Variants in ATXN7L1 observed in about 807,000 individuals in gnomAD.
ATXN7L1 encodes ataxin 7 like 1.
ATXN7L1 carries 15 observed loss-of-function variants against 70.8 expected under a neutral mutation model. The ratio of observed to expected loss-of-function variants is 0.21; its 90% CI spans 0.14 to 0.33. The LOEUF (loss-of-function observed/expected upper bound fraction) is 0.33, where lower values mean the gene tolerates loss of function less well. Among genes scored for constraint, ATXN7L1 ranks in the 10% least tolerant of loss-of-function variants. The pLI, the probability that ATXN7L1 is intolerant of heterozygous loss-of-function variation, is 1.00. For synonymous variants in ATXN7L1, 440 were observed against 445.1 expected (o/e 0.99, Z 0.14); for missense variants, 975 against 1,097.1 (o/e 0.89, Z 1.57).
In ATXN7L1 at chr7:105,605,222, C is replaced by T. The variant is rs918855944; in HGVS notation, c.*2630G>A. 1 of 151,586 alleles carries T rather than the reference C, an allele frequency of 6.6e-6. No homozygotes were observed. The highest frequency in any genetic ancestry group is 2.4e-5 in the African/African-American group (1 of 41,226). The allele number at this position is 151,586 out of a possible 1,614,324, so 9.4% of individuals were successfully genotyped here. A position where few individuals can be genotyped will look rare whatever the true frequency, so the allele number is the denominator to read the frequency against. ...GAGTGGGTGTGCAGAACAGAAGGACCCAGAGGACATCACCCTAAAAATGTT... is the reference window on the plus strand; with the variant it reads ...GAGTGGGTGTGCAGAACAGAAGGACTCAGAGGACATCACCCTAAAAATGTT... On this transcript the variant is annotated 3_prime_UTR_variant, in exon 12 of 12. Coordinates refer to ENST00000419735, the MANE Select transcript of ATXN7L1 (RefSeq NM_020725.2).
At position 105,646,390 on chromosome 7, in the gene ATXN7L1, G is replaced by C. The variant is rs556057106; in HGVS notation, c.579-3269C>G. On this transcript the variant is annotated intron_variant, in intron 4 of 11. Transcript: ENST00000419735. Reference sequence around the variant, plus strand: ...TAGTCCTAGGATTTTGGGGGGCCAGGGTGAGAGGATTGCTTGAGGCCAGGT... The same window carrying C: ...TAGTCCTAGGATTTTGGGGGGCCAGCGTGAGAGGATTGCTTGAGGCCAGGT... Among the ~76,000 whole-genome samples, 359 of 152,178 alleles carry C rather than the reference G, an allele frequency of 2.4e-3. 3 individuals carry two copies. Among genetic ancestry groups the C allele is most frequent in the Non-Finnish European group, 1.8e-3 (122 of 68,012 alleles).
intron 2 of ATXN7L1, among the ~76,000 whole-genome samples, chr7:105,814,965 C>A (rs764026769): frequency 6.6e-6 from 1 of 152,096 alleles, no homozygotes; most frequent in Non-Finnish European, 1.5e-5. Context: ...TTACTAGAAA[C>A]ATATAAGAAA....
intron 2 of ATXN7L1, among the ~76,000 whole-genome samples, chr7:105,803,924 C>T (rs1019417644): frequency 3.3e-5 from 5 of 152,064 alleles, no homozygotes; most frequent in African/African-American, 9.7e-5. Context: ...CTCTCTGAGG[C>T]GGCTAAGTGG....
intron 3 of ATXN7L1, among the ~76,000 whole-genome samples, chr7:105,752,532 C>T (rs1799333203): frequency 6.6e-6 from 1 of 152,136 alleles, no homozygotes; most frequent in African/African-American, 2.4e-5. Flanking sequence ...ACTATCATTC[C>T]CATGCTTGGC....
rs1798471141 is a variant in ATXN7L1, at chr7:105,642,876, C to T, written c.824G>A (p.Gly275Asp). Residue 275 changes from glycine to aspartate, a missense_variant, in exon 5 of 12, where the codon GGC becomes GAC. Gly to Asp is a moderately conservative substitution (Grantham distance 94, BLOSUM62 -1). Transcript: ENST00000419735. ...PTTIDKKHQN[G>D]TKNSNKPYRR... The stretch of plus-strand genomic sequence containing the variant: ...GTAAGGCTTGTTGCTGTTTTTGGTG[C>T]CATTTTGGTGTTTCTTGTCTATGGT... 6.4e-7 allele frequency: 1 copy of T among 1,551,586 alleles called. No individual in the cohort carries two copies. Among genetic ancestry groups the T allele is most frequent in the Non-Finnish European group, 8.7e-7 (1 of 1,146,964 alleles).
At chr7:105,795,399 G>A (rs937276610) in intron 2 of ATXN7L1, among the ~76,000 whole-genome samples, 3 of 152,178 alleles carry the variant, frequency 2.0e-5, no homozygotes, top group African/African-American at 7.2e-5. Flanking sequence ...TTACAGTTAA[G>A]GAAAAGGCAG....
At position 105,617,182 on chromosome 7, in the gene ATXN7L1, A is replaced by G. The variant is rs112290994; in HGVS notation, c.1518-2366T>C. Among the ~76,000 whole-genome samples, 1,297 of 152,138 alleles carry G rather than the reference A, an allele frequency of 8.5e-3. 15 individuals are homozygous for G. The highest frequency in any genetic ancestry group is 0.03 in the African/African-American group (1,232 of 41,522). On this transcript the variant is annotated intron_variant, in intron 9 of 11. Transcript: ENST00000419735. ...GCTGGGACTACAGGCACCCGCCACC[A>G]GGCCCGGATAAATTTTTGTTTTTAG...
At chr7:105,639,379 G>T in intron 6 of ATXN7L1, 108 bp downstream of exon 6, 1 of 795,508 alleles carries the variant, frequency 1.3e-6, no homozygotes. Flanking sequence ...GAACAGCTGG[G>T]GGTCATGTCG....
intron 3 of ATXN7L1, among the ~76,000 whole-genome samples, chr7:105,745,445 C>T (rs894065419): frequency 7.2e-5 from 11 of 152,126 alleles, no homozygotes; most frequent in African/African-American, 1.4e-4. Flanking sequence ...TCCGTTTGTA[C>T]GCCTCGTACC....
intron 3 of ATXN7L1, among the ~76,000 whole-genome samples, chr7:105,691,963 G>A (rs1396063946): frequency 2.0e-5 from 3 of 152,222 alleles, no homozygotes; most frequent in East Asian, 1.9e-4. Context: ...AAAGCGAACC[G>A]GCTGCCTCGT....
chr7:105,781,112 A>T (rs1376464041), intron 3 of ATXN7L1, among the ~76,000 whole-genome samples: 1 of 152,180 alleles, frequency 6.6e-6, no homozygotes. Flanking sequence ...CAGAGAAGCC[A>T]CTCAACATCT....
chr7:105,687,139 G>A (rs1196353636), intron 3 of ATXN7L1, among the ~76,000 whole-genome samples: 2 of 152,144 alleles, frequency 1.3e-5, no homozygotes, highest in Non-Finnish European at 2.9e-5. Context: ...TTCTCTCATT[G>A]CATTTCCTTT....
chr7:105,685,842 G>C lies in ATXN7L1; in HGVS notation c.356-20554C>G, dbSNP rs533168993. Among the ~76,000 whole-genome samples the C allele has an allele frequency of 3.1e-4, 47 of 152,294 alleles. 1 individual carries two copies. The South Asian group carries it at 8.9e-3, about 29-fold the overall frequency. On this transcript the variant is annotated intron_variant, in intron 3 of 11. Transcript: ENST00000419735. ...TCTCAGAAACCCTGTTCTCACTCCA[G>C]CTGAGGATGTTGGTGTCTTCAGGGA...
chr7:105,834,849 G>C (rs1437843936), intron 2 of ATXN7L1, among the ~76,000 whole-genome samples: 4 of 152,094 alleles, frequency 2.6e-5, no homozygotes, highest in African/African-American at 9.7e-5. Flanking sequence ...CTGCCTTTTT[G>C]TGATGGAGTG....
chr7:105,717,899 A>G (rs1794751703), intron 3 of ATXN7L1, among the ~76,000 whole-genome samples: 1 of 152,180 alleles, frequency 6.6e-6, no homozygotes, highest in African/African-American at 2.4e-5. Context: ...TTCTCTAATT[A>G]GTATATTTTT....
chr7:105,653,099 T>C (rs943087479), intron 4 of ATXN7L1, among the ~76,000 whole-genome samples: 4 of 152,230 alleles, frequency 2.6e-5, no homozygotes, highest in Non-Finnish European at 5.9e-5. Context: ...CACACTGACC[T>C]ACAGCAAACT....
At chr7:105,634,455 A>T (rs139417034) in intron 7 of ATXN7L1, among the ~76,000 whole-genome samples, 3 of 152,286 alleles carry the variant, frequency 2.0e-5, no homozygotes, top group Admixed American at 1.3e-4. Flanking sequence ...CAGGCATGAA[A>T]GTACATTTCT....
chr7:105,607,647 T>C lies in ATXN7L1; in HGVS notation c.*205A>G. The C allele has an allele frequency of 1.7e-6, 1 of 576,770 alleles. No homozygotes were observed. The highest frequency in any genetic ancestry group is 2.8e-5 in the East Asian group (1 of 35,760). 35.7% of individuals were successfully genotyped at this position (576,770 alleles called of 1,614,324 possible). ...GCGGAAACCAAACACTGGAACTGTT[T>C]TCTGTAAATCTCAAATTCACCTTCT... is the stretch of plus-strand genomic sequence containing the variant. On this transcript the variant is annotated 3_prime_UTR_variant, in exon 12 of 12. Transcript: ENST00000419735.
At chr7:105,747,666 G>A (rs186372076) in intron 3 of ATXN7L1, among the ~76,000 whole-genome samples, 1 of 152,168 alleles carries the variant, frequency 6.6e-6, no homozygotes, top group Non-Finnish European at 1.5e-5. Context: ...TGGGACAGTG[G>A]GGGGACTGAG....
Sources: gnomAD v4.1 joint callset for allele counts (sites outside exome capture counted in the v4.1 genomes callset) on GRCh38, gnomAD v4.1.1 for gene constraint, MANE v1.5 for transcripts, NCBI Gene and HGNC (gene_info 2026-07-23, HGNC 2026-07-21) for gene names.